AKR1C3: variants seen among roughly 807,000 people sequenced by gnomAD.
AKR1C3 encodes the protein 3-alpha hydroxysteroid dehydrogenase, type II.
A neutral mutation model predicts 43.6 loss-of-function variants in AKR1C3; 48 were observed. That is an observed-to-expected ratio of 1.10 (90% CI 0.87 to 1.40). AKR1C3 has a LOEUF of 1.40. Ranked by LOEUF, AKR1C3 falls within the 40% of genes most tolerant of loss-of-function variation. The probability of loss-of-function intolerance (pLI) is 0.00; values close to 1 mark genes in which losing one functional copy is unlikely to be tolerated. For synonymous variants in AKR1C3, 162 were observed against 139.6 expected (o/e 1.16, Z -1.13); for missense variants, 482 against 391.2 (o/e 1.23, Z -1.96).
chr10:5,079,394 C>T (rs1051685494), intron 1 of AKR1C3, among the ~76,000 whole-genome samples: 2 of 152,146 alleles, frequency 1.3e-5, no homozygotes, highest in African/African-American at 4.8e-5. Context: ...ACAGAAATAG[C>T]CCTGAAAAGC....
At chr10:5,049,434 C>A (rs1246642509) in intron 1 of AKR1C3, among the ~76,000 whole-genome samples, 2 of 151,990 alleles carry the variant, frequency 1.3e-5, no homozygotes, top group Non-Finnish European at 1.5e-5. Flanking sequence ...ACTCTCACCT[C>A]TGAGAAAATT....
chr10:5,100,161 G>A (rs1839312401), intron 5 of AKR1C3, among the ~76,000 whole-genome samples: 1 of 152,188 alleles, frequency 6.6e-6, no homozygotes, highest in South Asian at 2.1e-4. Flanking sequence ...GAGTTTGGTG[G>A]CACACGCCTG....
At chr10:5,092,850 T>G (rs1313383108), upstream of AKR1C3, among the ~76,000 whole-genome samples, 1 of 152,124 alleles carries the variant, frequency 6.6e-6, no homozygotes, top group Non-Finnish European at 1.5e-5. Flanking sequence ...GACTGTGTTT[T>G]CCTGTTTCTT....
At chr10:5,096,698 CACAT>C in intron 2 of AKR1C3, 121 bp downstream of exon 2, 2 of 1,412,798 alleles carry the variant, frequency 1.4e-6, no homozygotes, top group South Asian at 3.3e-5. Flanking sequence ...AATTTATTCA[CACAT>C]ACTCACATAC....
chr10:5,105,300 ACAATGTGACCCTATCATG>A lies in AKR1C3; in HGVS notation c.847-294_847-277del, dbSNP rs1554786979. 1.8e-3 allele frequency: 16 copies of A among 8,784 alleles called. No homozygotes were observed. In the East Asian group the frequency reaches 0.069, roughly 38 times the overall value. 0.5% of individuals were successfully genotyped at this position (8,784 alleles called of 1,614,324 possible). On this transcript the variant is annotated intron_variant, in intron 7 of 8. Transcript: ENST00000380554. ...AGGTACATGACCCTATCATGTGGGC[ACAATGTGACCCTATCATG>A]TGGGCACAATGTCAGCGCTGTTTCT... is the stretch of plus-strand genomic sequence containing the variant.
chr10:5,098,526 G>A lies in AKR1C3; in HGVS notation c.370-276G>A, dbSNP rs535839248. Among the ~76,000 whole-genome samples the A allele has an allele frequency of 2.0e-5, 3 of 152,318 alleles. No individual in the cohort carries two copies. The South Asian group carries it at 6.2e-4, about 32-fold the overall frequency. On this transcript the variant is annotated intron_variant, in intron 3 of 8. Coordinates refer to ENST00000380554, the MANE Select transcript of AKR1C3 (RefSeq NM_003739.6). ...TACTTCAATAGAGGAAATTATAAGG[G>A]CGGAATAAAGTGACATAAGTCAACT...
chr10:5,070,376 AT>A lies in AKR1C3; in HGVS notation c.84+21484del, dbSNP rs200340752. On this transcript the variant is annotated intron_variant, in intron 1 of 8. Coordinates refer to the AKR1C3 transcript ENST00000439082. ...AAATAATGAAGCAACAAAAGTAGAT[AT>A]TTATGGAAAATAAAAGTACACTCCA... Among the ~76,000 whole-genome samples, 23 of 152,330 alleles carry A rather than the reference AT, an allele frequency of 1.5e-4. No homozygotes were observed. The East Asian group carries it at 2.9e-3, about 19-fold the overall frequency.
chr10:5,095,358 A>AT (rs1839181692), intron 1 of AKR1C3, among the ~76,000 whole-genome samples: 1 of 152,080 alleles, frequency 6.6e-6, no homozygotes, highest in Admixed American at 6.6e-5. Context: ...CCAGTGACAA[A>AT]AGTGGTTTAA....
intron 1 of AKR1C3, chr10:5,081,719 C>G (rs1554782373): frequency 3.7e-5 from 1 of 26,754 alleles, no homozygotes; most frequent in Non-Finnish European, 9.1e-5. Flanking sequence ...CCATTTTCTT[C>G]CCTCTCCTGT....
At chr10:5,069,159 A>T (rs782276563) in intron 1 of AKR1C3, among the ~76,000 whole-genome samples, 2 of 152,218 alleles carry the variant, frequency 1.3e-5, no homozygotes, top group Non-Finnish European at 2.9e-5. Context: ...CTTTCATTTA[A>T]CCAGTTTGCA....
intron 1 of AKR1C3, among the ~76,000 whole-genome samples, chr10:5,095,718 TA>T (rs1554784996): frequency 6.9e-6 from 1 of 144,622 alleles, no homozygotes; most frequent in African/African-American, 2.6e-5. Context: ...CCTTATTTTT[TA>T]TGGCAGAACT....
chr10:5,056,788 T>A (rs1838270965), intron 1 of AKR1C3, among the ~76,000 whole-genome samples: 1 of 152,158 alleles, frequency 6.6e-6, no homozygotes, highest in African/African-American at 2.4e-5. Flanking sequence ...CTAATAAGGA[T>A]GTGGGACTTT....
At chr10:5,081,416 A>C (rs556530271) in intron 1 of AKR1C3, among the ~76,000 whole-genome samples, 1 of 152,338 alleles carries the variant, frequency 6.6e-6, no homozygotes, top group East Asian at 1.9e-4. Flanking sequence ...AAATGCTTGC[A>C]TTGACCAAAA....
intron 1 of AKR1C3, among the ~76,000 whole-genome samples, chr10:5,069,671 T>A (rs1838579488): frequency 6.6e-6 from 1 of 152,062 alleles, no homozygotes; most frequent in Non-Finnish European, 1.5e-5. Context: ...GGTCAGGTGT[T>A]CAAGATGAGC....
Position 5,098,830 on chromosome 10 carries a change from AAAATGG to A in AKR1C3, c.402_407del (p.Asn134_Gly135del). On this transcript the variant is annotated inframe_deletion, in exon 4 of 9. Transcript: ENST00000380554. ...GGTGAGGAACTTTCACCAACAGATG[AAAATGG>A]AAAAGTAATATTTGACATAGTGGAT... 1 of 1,613,846 alleles carries A rather than the reference AAAATGG, an allele frequency of 6.2e-7. No homozygotes were observed. Among genetic ancestry groups the A allele is most frequent in the South Asian group, 1.1e-5 (1 of 90,974 alleles).
chr10:5,091,360 A>G (rs983498342), upstream of AKR1C3, among the ~76,000 whole-genome samples: 1 of 152,178 alleles, frequency 6.6e-6, no homozygotes, highest in Non-Finnish European at 1.5e-5. Flanking sequence ...CTAGAATTCC[A>G]AAGTCTGGTT....
At chr10:5,078,151 C>A (rs1244300820) in intron 1 of AKR1C3, among the ~76,000 whole-genome samples, 1 of 152,168 alleles carries the variant, frequency 6.6e-6, no homozygotes, top group Non-Finnish European at 1.5e-5. Flanking sequence ...AAGTCAGGTG[C>A]GGTGGCTCAT....
At chr10:5,102,026 C>G (rs1345011180) in intron 5 of AKR1C3, 75 bp from the exon 6 acceptor site, 1 of 937,774 alleles carries the variant, frequency 1.1e-6, no homozygotes, top group African/African-American at 1.7e-5. Context: ...TATTCAGCTT[C>G]CTTACTTTCA....
intron 1 of AKR1C3, 21 bp downstream of exon 1, chr10:5,094,549 T>G (rs537180381): frequency 6.2e-7 from 1 of 1,611,446 alleles, no homozygotes; most frequent in East Asian, 2.2e-5. Flanking sequence ...TTCCTTTTAG[T>G]TTTCGGATTT....
Sources: allele counts gnomAD v4.1 joint callset (sites outside exome capture counted in the v4.1 genomes callset), GRCh38; gene constraint gnomAD v4.1.1; transcripts MANE v1.5; gene names NCBI Gene and HGNC (gene_info 2026-07-23, HGNC 2026-07-21).